Variants in SATL1 observed in about 807,000 individuals in gnomAD.
SATL1 encodes spermidine/spermine N1-acetyl transferase like 1.
Under a neutral mutation model 51.8 loss-of-function variants are expected in SATL1, and 47 were observed. The observed-to-expected ratio is 0.91, with a 90% CI of 0.72 to 1.16. The LOEUF (loss-of-function observed/expected upper bound fraction) is 1.16, where lower values mean the gene tolerates loss of function less well. Among genes scored for constraint, SATL1 ranks in the 50% most tolerant of loss-of-function variants. The pLI, the probability that SATL1 is intolerant of heterozygous loss-of-function variation, is 0.00. For missense variants in SATL1, 520 were observed against 526.4 expected, an observed-to-expected ratio of 0.99 and a Z score of 0.12; for synonymous variants, 176 against 182.4, an observed-to-expected ratio of 0.97 and a Z score of 0.28.
At chrX:85,188,731 T>A (rs753915753) in intron 2 of SATL1, among the ~76,000 whole-genome samples, 1 of 112,428 alleles carries the variant, frequency 8.9e-6, no homozygotes, top group Non-Finnish European at 1.9e-5. Context: ...ATTACTTTTC[T>A]ATGTGGATTG....
At chrX:85,121,962 G>A (rs183393003) in intron 2 of SATL1, among the ~76,000 whole-genome samples, 52 of 108,175 alleles carry the variant, frequency 4.8e-4, no homozygotes, top group African/African-American at 1.7e-3. Flanking sequence ...TCAGAACATC[G>A]TGTTGTACAC....
chrX:85,197,963 C>CTT (rs1402653494), intron 2 of SATL1, among the ~76,000 whole-genome samples: 2 of 109,772 alleles, frequency 1.8e-5, no homozygotes, highest in Non-Finnish European at 3.8e-5. Context: ...CAATAAAAAT[C>CTT]CCCACCCCTT....
intron 2 of SATL1, among the ~76,000 whole-genome samples, chrX:85,204,354 C>T (rs1163742216): frequency 1.8e-5 from 2 of 112,183 alleles, no homozygotes; most frequent in Admixed American, 9.4e-5. Context: ...CTGTTCCTCT[C>T]CATGATAGCC....
chrX:85,200,767 A>T (rs1041004768), intron 2 of SATL1, among the ~76,000 whole-genome samples: 3 of 111,384 alleles, frequency 2.7e-5, no homozygotes, highest in African/African-American at 9.7e-5. Context: ...AGTTTTTTTT[A>T]AATCTATTTA....
At chrX:85,166,804 A>G (rs989769894) in intron 2 of SATL1, among the ~76,000 whole-genome samples, 1 of 109,447 alleles carries the variant, frequency 9.1e-6, no homozygotes, top group Non-Finnish European at 1.9e-5. Flanking sequence ...AGAAGTCACT[A>G]TATGAAAAAG....
At chrX:85,137,659 A>T (rs1430871707) in intron 2 of SATL1, among the ~76,000 whole-genome samples, 4 of 111,634 alleles carry the variant, frequency 3.6e-5, no homozygotes, top group Non-Finnish European at 7.5e-5. Context: ...TATCCTGCTT[A>T]GTATTCTCTG....
chrX:85,158,762 G>T (rs1229968945), intron 2 of SATL1, among the ~76,000 whole-genome samples: 1 of 111,360 alleles, frequency 9.0e-6, no homozygotes, highest in Non-Finnish European at 1.9e-5. Flanking sequence ...ATGGATAAAT[G>T]CTCACTGAAA....
intron 2 of SATL1, among the ~76,000 whole-genome samples, chrX:85,175,905 C>T (rs1263165386): frequency 9.0e-6 from 1 of 111,181 alleles, no homozygotes; most frequent in South Asian, 3.8e-4. Context: ...CAAACTCAAT[C>T]AGAAGCCAGA....
intron 2 of SATL1, among the ~76,000 whole-genome samples, chrX:85,203,986 C>A (rs1927739929): frequency 8.9e-6 from 1 of 112,100 alleles, no homozygotes; most frequent in East Asian, 2.8e-4. Flanking sequence ...TGCTGGAATG[C>A]CTGAGTATCT....
intron 2 of SATL1, among the ~76,000 whole-genome samples, chrX:85,155,690 G>A (rs1308088022): frequency 9.0e-6 from 1 of 110,502 alleles, no homozygotes; most frequent in African/African-American, 3.3e-5. Flanking sequence ...ATATACTCTG[G>A]GAGATTCTTT....
intron 2 of SATL1, chrX:85,208,636 T>C (rs1368934813): frequency 1.8e-5 from 2 of 112,374 alleles, no homozygotes; most frequent in African/African-American, 6.5e-5. Context: ...TTGATTTGCA[T>C]TTCTCTGATG....
chrX:85,095,220 A>G (rs750561073), intron 4 of SATL1, among the ~76,000 whole-genome samples: 8 of 112,259 alleles, frequency 7.1e-5, no homozygotes, highest in African/African-American at 2.6e-4. Context: ...TTCAGCCATC[A>G]GTGAGGTGGC....
intron 2 of SATL1, among the ~76,000 whole-genome samples, chrX:85,175,365 C>A (rs899352400): frequency 9.0e-6 from 1 of 111,362 alleles, no homozygotes; most frequent in Non-Finnish European, 1.9e-5. Context: ...GGAGAGAAAT[C>A]TTTTATAACA....
At chrX:85,149,406 T>C (rs1446535744) in intron 2 of SATL1, among the ~76,000 whole-genome samples, 1 of 111,193 alleles carries the variant, frequency 9.0e-6, no homozygotes, top group African/African-American at 3.3e-5. Context: ...GACAGATCAA[T>C]GAGACAGAAA....
chrX:85,151,639 A>C (rs1424586305), intron 2 of SATL1, among the ~76,000 whole-genome samples: 8 of 111,322 alleles, frequency 7.2e-5, no homozygotes, highest in Non-Finnish European at 1.9e-5. Context: ...ATGGAACAGA[A>C]CAGAGCCCTC....
At chrX:85,178,647 C>CAA (rs748854565) in intron 2 of SATL1, among the ~76,000 whole-genome samples, 1,361 of 101,373 alleles carry the variant, frequency 0.013, 24 homozygotes, top group African/African-American at 0.047. Flanking sequence ...AACAAACAAA[C>CAA]AAAAAAAAAC....
chrX:85,106,617 G>A (rs745928944), intron 3 of SATL1, among the ~76,000 whole-genome samples: 1 of 112,025 alleles, frequency 8.9e-6, no homozygotes, highest in African/African-American at 3.2e-5. Flanking sequence ...ACATAAATGA[G>A]TGCTTTCAGC....
At chrX:85,219,628 T>C (rs764623228) in intron 2 of SATL1, 220 of 112,222 alleles carry the variant, frequency 2.0e-3, no homozygotes, top group African/African-American at 6.9e-3. Context: ...CATATCTAAA[T>C]AAGGAGTTTT....
At chrX:85,123,162 AT>A (rs1233117219) in intron 2 of SATL1, among the ~76,000 whole-genome samples, 1 of 111,378 alleles carries the variant, frequency 9.0e-6, no homozygotes, top group African/African-American at 3.3e-5. Flanking sequence ...TTATATTATT[AT>A]TTTTTGGGTA....
Sources: allele counts gnomAD v4.1 joint callset (sites outside exome capture counted in the v4.1 genomes callset), GRCh38; gene constraint gnomAD v4.1.1; transcripts MANE v1.5; gene names NCBI Gene and HGNC (gene_info 2026-07-23, HGNC 2026-07-21).